Variants in KDM4C observed in about 807,000 individuals in gnomAD.
The protein encoded by KDM4C is lysine demethylase 4C.
In KDM4C, 81 loss-of-function variants were observed where a neutral mutation model predicts 129.3. The observed-to-expected ratio is 0.63, with a 90% CI of 0.52 to 0.75. The LOEUF (loss-of-function observed/expected upper bound fraction) is 0.75. Among genes scored for constraint, KDM4C ranks in the 30% least tolerant of loss-of-function variants. KDM4C has a pLI of 0.00. For missense variants in KDM4C, 1,457 were observed against 1,304.0 expected, an observed-to-expected ratio of 1.12 and a Z score of -1.81; for synonymous variants, 573 against 456.1, an observed-to-expected ratio of 1.26 and a Z score of -3.26.
intron 3 of KDM4C, among the ~76,000 whole-genome samples, chr9:6,807,798 G>T (rs1418732031): frequency 2.8e-5 from 4 of 145,398 alleles, no homozygotes; most frequent in Non-Finnish European, 6.0e-5. Flanking sequence ...GGTGGGGGGG[G>T]GGTCAGCCCC....
intron 1 of KDM4C, among the ~76,000 whole-genome samples, chr9:6,770,352 A>C (rs1821509249): frequency 6.6e-6 from 1 of 152,156 alleles, no homozygotes; most frequent in Non-Finnish European, 1.5e-5. Context: ...ACTTTGGGGA[A>C]ATTAAACTTG....
intron 19 of KDM4C, among the ~76,000 whole-genome samples, chr9:7,129,298 A>C (rs1433316313): frequency 6.6e-6 from 1 of 152,238 alleles, no homozygotes. Flanking sequence ...TGATTCAGTT[A>C]GTTTTGTTAT....
intron 12 of KDM4C, among the ~76,000 whole-genome samples, chr9:6,996,717 G>C (rs1819824603): frequency 6.6e-6 from 1 of 152,182 alleles, no homozygotes; most frequent in Non-Finnish European, 1.5e-5. Flanking sequence ...TAACATACTT[G>C]TGCTGACAGT....
At chr9:6,949,722 A>G (rs1272807879) in intron 8 of KDM4C, among the ~76,000 whole-genome samples, 7 of 152,188 alleles carry the variant, frequency 4.6e-5, no homozygotes, top group African/African-American at 9.6e-5. Context: ...CGCGCCTGCA[A>G]TCGCAGGCAC....
At chr9:6,895,316 T>C (rs1274182382) in intron 8 of KDM4C, among the ~76,000 whole-genome samples, 1 of 152,240 alleles carries the variant, frequency 6.6e-6, no homozygotes, top group African/African-American at 2.4e-5. Context: ...TTCATTTCCT[T>C]GCTCCTTTGG....
At chr9:6,771,191 A>G (rs1821767651) in intron 1 of KDM4C, among the ~76,000 whole-genome samples, 2 of 145,312 alleles carry the variant, frequency 1.4e-5, no homozygotes, top group African/African-American at 2.6e-5. Flanking sequence ...GCCTCCCCCC[A>G]AAGTGCTAGG....
intron 4 of KDM4C, among the ~76,000 whole-genome samples, chr9:6,820,481 C>G (rs1468309309): frequency 6.6e-6 from 1 of 152,088 alleles, no homozygotes; most frequent in Non-Finnish European, 1.5e-5. Context: ...GACCCATGGC[C>G]CCACAGCAGC....
At chr9:7,142,278 C>T (rs903937291) in intron 19 of KDM4C, among the ~76,000 whole-genome samples, 3 of 151,986 alleles carry the variant, frequency 2.0e-5, no homozygotes, top group African/African-American at 7.3e-5. Flanking sequence ...ACTTTTAATC[C>T]CCCTGTTTCC....
chr9:7,061,034 A>T (rs1057111639), intron 17 of KDM4C, among the ~76,000 whole-genome samples: 4 of 152,134 alleles, frequency 2.6e-5, no homozygotes, highest in African/African-American at 9.7e-5. Context: ...GCCTCTAAAG[A>T]GCTAAATAAT....
intron 8 of KDM4C, among the ~76,000 whole-genome samples, chr9:6,913,364 A>G (rs1299746454): frequency 6.6e-6 from 1 of 152,206 alleles, no homozygotes; most frequent in Admixed American, 6.5e-5. Context: ...AAACAAACCC[A>G]TTTGTTGTGA....
At chr9:6,765,492 G>T (rs1312713514) in intron 1 of KDM4C, among the ~76,000 whole-genome samples, 1 of 152,026 alleles carries the variant, frequency 6.6e-6, no homozygotes, top group Admixed American at 6.6e-5. Context: ...ATATTTTTGT[G>T]ATTATTTGAT....
At chr9:6,904,818 C>T (rs1030587258) in intron 8 of KDM4C, among the ~76,000 whole-genome samples, 7 of 151,690 alleles carry the variant, frequency 4.6e-5, no homozygotes, top group African/African-American at 9.7e-5. Context: ...TTGGAAGATA[C>T]GAGAGGAAAA....
At chr9:6,814,467 T>C (rs1479222324) in intron 3 of KDM4C, among the ~76,000 whole-genome samples, 164 bp from the exon 4 acceptor site, 1 of 152,210 alleles carries the variant, frequency 6.6e-6, no homozygotes, top group African/African-American at 2.4e-5. Flanking sequence ...ACTATTCAGA[T>C]AGCTATGTAA....
chr9:6,792,035 A>T (rs1358579762), intron 1 of KDM4C, among the ~76,000 whole-genome samples: 1 of 151,744 alleles, frequency 6.6e-6, no homozygotes, highest in African/African-American at 2.4e-5. Context: ...AAAGAAAAAG[A>T]GAAAAGGAAA....
chr9:6,729,782 G>A (rs1394211508), intron 1 of KDM4C, among the ~76,000 whole-genome samples: 1 of 133,780 alleles, frequency 7.5e-6, no homozygotes, highest in Non-Finnish European at 1.5e-5. Context: ...GTCACTTTGG[G>A]CCTAAATACT....
At chr9:7,110,997 G>C (rs1048220356) in intron 18 of KDM4C, among the ~76,000 whole-genome samples, 3 of 152,146 alleles carry the variant, frequency 2.0e-5, no homozygotes, top group Admixed American at 1.3e-4. Context: ...TTCAATATAT[G>C]TAGGGACCAT....
At chr9:6,872,282 G>A (rs1018148771) in intron 5 of KDM4C, among the ~76,000 whole-genome samples, 1 of 152,160 alleles carries the variant, frequency 6.6e-6, no homozygotes, top group African/African-American at 2.4e-5. Context: ...ATAGACACAA[G>A]GTTTTGAGGT....
intron 1 of KDM4C, among the ~76,000 whole-genome samples, chr9:6,761,646 C>G (rs917430139): frequency 2.0e-5 from 3 of 152,088 alleles, no homozygotes; most frequent in African/African-American, 7.2e-5. Flanking sequence ...TTAGCACAGT[C>G]TTTATACTGC....
intron 17 of KDM4C, among the ~76,000 whole-genome samples, chr9:7,095,307 A>C (rs551015332): frequency 3.3e-5 from 5 of 152,242 alleles, no homozygotes; most frequent in African/African-American, 1.2e-4. Flanking sequence ...CACAGCTGCA[A>C]CCTTTCATGC....
Sources: gnomAD v4.1 joint callset for allele counts (sites outside exome capture counted in the v4.1 genomes callset) on GRCh38, gnomAD v4.1.1 for gene constraint, MANE v1.5 for transcripts, NCBI Gene and HGNC (gene_info 2026-07-23, HGNC 2026-07-21) for gene names.